The following VWA5B1 variants were observed in gnomAD, a reference collection of about 807,000 sequenced individuals.
VWA5B1 encodes the protein von Willebrand factor A domain containing 5B1.
VWA5B1 carries 115 observed loss-of-function variants against 118.2 expected under a neutral mutation model. The ratio of observed to expected loss-of-function variants is 0.97; its 90% CI spans 0.84 to 1.14. VWA5B1 has a LOEUF of 1.14. Ranked by LOEUF, VWA5B1 falls within the 50% of genes most tolerant of loss-of-function variation. The pLI, the probability that VWA5B1 is intolerant of heterozygous loss-of-function variation, is 0.00. For synonymous variants in VWA5B1, 682 were observed against 658.4 expected, an observed-to-expected ratio of 1.04 and a Z score of -0.55; for missense variants, 1,596 against 1,603.8, an observed-to-expected ratio of 1.00 and a Z score of 0.08.
intron 15 of VWA5B1, 102 bp from the exon 16 acceptor site, chr1:20,342,977 T>A: frequency 2.1e-6 from 3 of 1,446,400 alleles, no homozygotes; most frequent in Non-Finnish European, 2.7e-6. Context: ...TGGGTTGTAC[T>A]TGCTTAGAAG....
intron 1 of VWA5B1, among the ~76,000 whole-genome samples, chr1:20,295,413 C>A (rs955130786): frequency 2.0e-5 from 3 of 152,182 alleles, no homozygotes; most frequent in Admixed American, 2.0e-4. Context: ...AGATCAAGAT[C>A]TCAGGAAGAC....
chr1:20,351,909 G>A (rs2090137801), intron 20 of VWA5B1, 146 bp from the exon 21 acceptor site: 2 of 604,646 alleles, frequency 3.3e-6, no homozygotes, highest in Admixed American at 3.3e-5. Flanking sequence ...TCGAGCCCAT[G>A]TTTCCAGGCT....
intron 1 of VWA5B1, among the ~76,000 whole-genome samples, chr1:20,302,291 C>T (rs562799432): frequency 1.3e-5 from 2 of 152,312 alleles, no homozygotes; most frequent in East Asian, 3.9e-4. Flanking sequence ...GATAGAATCT[C>T]ATGGGCTGTG....
intron 1 of VWA5B1, among the ~76,000 whole-genome samples, chr1:20,298,056 G>C (rs1448530320): frequency 1.4e-5 from 2 of 143,326 alleles, no homozygotes. Context: ...TGTCTCCCAG[G>C]CTGGAGCACA....
chr1:20,345,356 G>A (rs2089984170), intron 16 of VWA5B1, 100 bp from the exon 17 acceptor site: 8 of 1,485,122 alleles, frequency 5.4e-6, no homozygotes, highest in African/African-American at 1.4e-5. Context: ...TCCCAAAGAT[G>A]GGGACCACTT....
At chr1:20,302,692 G>A (rs1318080701) in intron 1 of VWA5B1, among the ~76,000 whole-genome samples, 1 of 152,230 alleles carries the variant, frequency 6.6e-6, no homozygotes, top group African/African-American at 2.4e-5. Context: ...CGTGAGTGGT[G>A]CTGACTGTGC....
chr1:20,341,992 C>A (rs1032242730), intron 14 of VWA5B1, among the ~76,000 whole-genome samples: 2 of 152,022 alleles, frequency 1.3e-5, no homozygotes, highest in Non-Finnish European at 2.9e-5. Context: ...AACACACAAA[C>A]AAACAAAAAT....
chr1:20,316,024 T>TCC (rs767948735), intron 4 of VWA5B1, among the ~76,000 whole-genome samples: 27 of 151,710 alleles, frequency 1.8e-4, no homozygotes, highest in Non-Finnish European at 3.8e-4. Flanking sequence ...TCCTGCCCAT[T>TCC]CCAGCAGGCA....
intron 1 of VWA5B1, 89 bp from the exon 2 acceptor site, chr1:20,310,487 A>AT: frequency 8.0e-7 from 1 of 1,256,858 alleles, no homozygotes; most frequent in Non-Finnish European, 1.1e-6. Context: ...TGATGCTCTG[A>AT]TTGCTTGAGG....
Position 20,352,207 on chromosome 1 carries a change from C to T in VWA5B1, c.3141+35C>T, listed in dbSNP as rs377460224. ...CTGACCCCAGGTGTCAGTCTCCCTC[C>T]GCTCCACTCAGCAGCAGGGCCTTCC... is the stretch of plus-strand genomic sequence containing the variant. On this transcript the variant is annotated intron_variant, in intron 21 of 21. Transcript: ENST00000289815. The T allele has an allele frequency of 1.0e-4, 155 of 1,495,098 alleles. No individual in the cohort carries two copies. In the African/African-American group the frequency reaches 1.1e-3, roughly 11 times the overall value. The allele number at this position is 1,495,098 out of a possible 1,614,324, so 92.6% of individuals were successfully genotyped here.
intron 12 of VWA5B1, 76 bp downstream of exon 12, chr1:20,333,027 C>G: frequency 2.5e-5 from 37 of 1,478,170 alleles, no homozygotes; most frequent in Non-Finnish European, 3.3e-5. Context: ...GCTGGAAAGA[C>G]TATTTGTGAC....
At chr1:20,296,989 G>C (rs554434201) in intron 1 of VWA5B1, among the ~76,000 whole-genome samples, 1 of 152,320 alleles carries the variant, frequency 6.6e-6, no homozygotes, top group Admixed American at 6.5e-5. Context: ...GCCTCAGGTC[G>C]TTCATTAGTT....
In VWA5B1 at chr1:20,352,084, C is replaced by T. The variant is rs1432336740; in HGVS notation, c.3053C>T (p.Thr1018Met). 34 of 1,551,190 alleles carry T rather than the reference C, an allele frequency of 2.2e-5. No individual in the cohort carries two copies. Among genetic ancestry groups the T allele is most frequent in the Non-Finnish European group, 2.6e-5 (30 of 1,146,942 alleles). ...WLNLNKSRLLTRAAKGFLSKP... is the reference protein window; with the variant it reads ...WLNLNKSRLLMRAAKGFLSKP... Reference sequence around the variant, plus strand: ...AATCTCAACAAGTCCAGGCTACTGACGCGAGCAGCCAAGGGCTTCCTGAGC... The same window carrying T: ...AATCTCAACAAGTCCAGGCTACTGATGCGAGCAGCCAAGGGCTTCCTGAGC... Residue 1018 changes from threonine (T) to methionine (M), a missense_variant, in exon 21 of 22, where the codon ACG becomes ATG. Thr to Met is a moderately conservative substitution (Grantham distance 81). Transcript: ENST00000289815.
chr1:20,328,140 G>T (rs189501233), intron 9 of VWA5B1, 140 bp downstream of exon 9: 6 of 746,792 alleles, frequency 8.0e-6, no homozygotes, highest in Admixed American at 7.7e-5. Flanking sequence ...GATCACACCC[G>T]GGGGCAGAGA....
At chr1:20,342,108 A>T (rs1043625312) in intron 14 of VWA5B1, among the ~76,000 whole-genome samples, 2 of 148,376 alleles carry the variant, frequency 1.3e-5, no homozygotes, top group East Asian at 2.1e-4. Flanking sequence ...CCATACACAC[A>T]AAACAGTTTA....
rs564045475 is a variant in VWA5B1 at position 20,297,364 on chromosome 1, A to T, written c.-27+6276A>T. 3.3e-5 allele frequency among the ~76,000 whole-genome samples: 5 copies of T among 152,380 alleles called. No individual in the cohort carries two copies. In the East Asian group the frequency reaches 9.6e-4, roughly 29 times the overall value. On this transcript the variant is annotated intron_variant, in intron 1 of 21. Coordinates refer to ENST00000289815, the MANE Select transcript of VWA5B1 (RefSeq NM_001039500.3). Reference sequence around the variant, plus strand: ...TCCTCCATGATCGCTGTGGCAGAGAACATGACATGGGCAAGCACACATTGG... The same window carrying T: ...TCCTCCATGATCGCTGTGGCAGAGATCATGACATGGGCAAGCACACATTGG...
intron 21 of VWA5B1, 44 bp downstream of exon 21, chr1:20,352,216 C>A: frequency 6.9e-7 from 1 of 1,442,266 alleles, no homozygotes; most frequent in Non-Finnish European, 9.5e-7. Context: ...CCGCTCCACT[C>A]AGCAGCAGGG....
In VWA5B1 at chr1:20,355,077, G is replaced by A. The variant is rs929314786; in HGVS notation, c.*814G>A. Reference sequence around the variant, plus strand: ...AGACATGGTCACAGAAGTCAATGAAGACACCAGACAACACCTTACTTAATT... The same window carrying A: ...AGACATGGTCACAGAAGTCAATGAAAACACCAGACAACACCTTACTTAATT... On this transcript the variant is annotated 3_prime_UTR_variant, in exon 22 of 22. Coordinates refer to ENST00000289815, the MANE Select transcript of VWA5B1 (RefSeq NM_001039500.3). 5.9e-5 allele frequency among the ~76,000 whole-genome samples: 9 copies of A among 152,192 alleles called. No homozygotes were observed. Among genetic ancestry groups the A allele is most frequent in the Non-Finnish European group, 1.3e-4 (9 of 68,034 alleles).
intron 1 of VWA5B1, among the ~76,000 whole-genome samples, chr1:20,309,298 C>T (rs111460550): frequency 3.3e-5 from 5 of 152,274 alleles, no homozygotes; most frequent in African/African-American, 7.2e-5. Context: ...AGAAACAGAA[C>T]GCAGCACAAC....
Sources: gnomAD v4.1 joint callset for allele counts (sites outside exome capture counted in the v4.1 genomes callset) on GRCh38, gnomAD v4.1.1 for gene constraint, MANE v1.5 for transcripts, NCBI Gene and HGNC (gene_info 2026-07-23, HGNC 2026-07-21) for gene names.